CORIN: variants seen among roughly 807,000 people sequenced by gnomAD.
The protein encoded by CORIN is corin, serine peptidase.
In CORIN, 117 loss-of-function variants were observed where a neutral mutation model predicts 125.3. The observed-to-expected ratio is 0.93, with a 90% CI of 0.80 to 1.09. The LOEUF is 1.09. CORIN is among the 50% of genes least tolerant of loss of function. The pLI, the probability that CORIN is intolerant of heterozygous loss-of-function variation, is 0.00. For synonymous variants in CORIN, 450 were observed against 466.4 expected (o/e 0.96, Z 0.45); for missense variants, 1,253 against 1,306.7 (o/e 0.96, Z 0.63).
intron 1 of CORIN, among the ~76,000 whole-genome samples, chr4:47,828,431 G>T: frequency 6.6e-6 from 1 of 152,168 alleles, no homozygotes; most frequent in Non-Finnish European, 1.5e-5. Context: ...ACTCATGCCT[G>T]TGTGATGAAC....
At chr4:47,781,674 G>C (rs1730553711) in intron 3 of CORIN, among the ~76,000 whole-genome samples, 1 of 152,216 alleles carries the variant, frequency 6.6e-6, no homozygotes, top group Non-Finnish European at 1.5e-5. Context: ...CAACAACGGT[G>C]GCTGGGCGCA....
Position 47,838,062 on chromosome 4 carries a change from C to CA in CORIN, c.-114dup. 6.5e-7 allele frequency: 1 copy of CA among 1,529,472 alleles called. No individual in the cohort carries two copies. The highest frequency in any genetic ancestry group is 2.2e-5 in the Admixed American group (1 of 45,732). 94.7% of individuals were successfully genotyped at this position (1,529,472 alleles called of 1,614,324 possible). On this transcript the variant is annotated 5_prime_UTR_variant, in exon 1 of 22. Coordinates refer to ENST00000273857, the MANE Select transcript of CORIN (RefSeq NM_006587.4). ...TGATTTTCTCCAAGCTCAAGAGAGACAAACTGAACTTTAAGCGCCAGGGGC... is the reference window on the plus strand; with the variant it reads ...TGATTTTCTCCAAGCTCAAGAGAGACAAAACTGAACTTTAAGCGCCAGGGGC...
intron 4 of CORIN, among the ~76,000 whole-genome samples, chr4:47,745,538 A>G (rs760263665): frequency 1.3e-5 from 2 of 152,252 alleles, no homozygotes; most frequent in African/African-American, 4.8e-5. Context: ...AAATCCTTCA[A>G]ATGAGATAGT....
At chr4:47,726,321 G>T (rs1321244520) in intron 5 of CORIN, among the ~76,000 whole-genome samples, 1 of 152,010 alleles carries the variant, frequency 6.6e-6, no homozygotes, top group Non-Finnish European at 1.5e-5. Context: ...CTTTCAATGA[G>T]CAAATAAACA....
intron 2 of CORIN, chr4:47,790,196 C>T (rs1427419005): frequency 3.0e-6 from 3 of 984,916 alleles, no homozygotes; most frequent in Non-Finnish European, 3.6e-6. Context: ...TCTTAACTGC[C>T]ATAAAGGAAG....
At chr4:47,705,917 T>G (rs1328122942) in intron 5 of CORIN, among the ~76,000 whole-genome samples, 1 of 152,240 alleles carries the variant, frequency 6.6e-6, no homozygotes, top group Non-Finnish European at 1.5e-5. Context: ...AACAAAATCA[T>G]AGCTCTTTTA....
chr4:47,829,475 C>T (rs1172155353), intron 1 of CORIN, among the ~76,000 whole-genome samples: 1 of 152,156 alleles, frequency 6.6e-6, no homozygotes, highest in Non-Finnish European at 1.5e-5. Flanking sequence ...AAGTGTTGTC[C>T]TGAGTTCTGT....
chr4:47,688,615 A>T lies in CORIN; in HGVS notation c.913+4355T>A, dbSNP rs191419163. ...AGACTCCATCTCAAAAAAAAATTTT[A>T]AAAAACATATTTAATAGTTTCTATG... On this transcript the variant is annotated intron_variant, in intron 6 of 21. Transcript: ENST00000273857. Among the ~76,000 whole-genome samples the T allele has an allele frequency of 3.1e-3, 475 of 152,280 alleles. 5 individuals are homozygous for T. The highest frequency in any genetic ancestry group is 9.8e-3 in the African/African-American group (406 of 41,540).
In CORIN at chr4:47,603,416, C is replaced by G; in HGVS notation, c.2793G>C (p.Trp931Cys). 1 of 1,614,084 alleles carries G rather than the reference C, an allele frequency of 6.2e-7. No homozygotes were observed. ...GCTTACTTTTATTGCCCATGTGGCC[C>G]CAGCCTGTGATATAGCAGTACGTGT... ...EPDTYCYITG[W>C]GHMGNKMPFK... is the part of the protein sequence containing the mutation. Residue 931 changes from tryptophan (W) to cysteine (C), a missense_variant, in exon 20 of 22, where the codon TGG becomes TGC. By Grantham distance (215) the Trp-to-Cys change is radical. Transcript: ENST00000273857.
In CORIN at chr4:47,618,623, T is replaced by C. The variant is rs546950359; in HGVS notation, c.2540+4948A>G. Among the ~76,000 whole-genome samples the C allele has an allele frequency of 5.9e-5, 9 of 151,698 alleles. No individual in the cohort carries two copies. The South Asian group carries it at 1.9e-3, about 32-fold the overall frequency. Reference sequence around the variant, plus strand: ...TCACAAGGTCAGGAGATCGAGACCATCCTGGCTAACATGGTGAAACCCCGT... The same window carrying C: ...TCACAAGGTCAGGAGATCGAGACCACCCTGGCTAACATGGTGAAACCCCGT... On this transcript the variant is annotated intron_variant, in intron 19 of 21. Transcript: ENST00000273857.
At chr4:47,649,607 TA>T (rs1181518436) in intron 13 of CORIN, among the ~76,000 whole-genome samples, 3 of 152,156 alleles carry the variant, frequency 2.0e-5, no homozygotes, top group Admixed American at 6.5e-5. Context: ...CCCAGAGAAG[TA>T]AACTGACTGG....
At chr4:47,743,341 G>C (rs757496783) in intron 5 of CORIN, among the ~76,000 whole-genome samples, 1 of 152,204 alleles carries the variant, frequency 6.6e-6, no homozygotes, top group Non-Finnish European at 1.5e-5. Context: ...CAGATGACTT[G>C]TATCCAGAAT....
In CORIN at chr4:47,721,617, T is replaced by TA. The variant is rs533953813; in HGVS notation, c.799+22784dup. 5.8e-4 allele frequency among the ~76,000 whole-genome samples: 89 copies of TA among 152,292 alleles called. 1 individual carries two copies. Among genetic ancestry groups the TA allele is most frequent in the African/African-American group, 1.9e-3 (80 of 41,582 alleles). Reference sequence around the variant, plus strand: ...ATCTCCCAAAGTCTCCACCTTCTAATACCATCCTCTTGGGGTTACGGTTTC... The same window carrying TA: ...ATCTCCCAAAGTCTCCACCTTCTAATAACCATCCTCTTGGGGTTACGGTTTC... On this transcript the variant is annotated intron_variant, in intron 5 of 21. Transcript: ENST00000273857.
chr4:47,639,709 A>G (rs191694638), intron 16 of CORIN, among the ~76,000 whole-genome samples: 79 of 152,350 alleles, frequency 5.2e-4, no homozygotes, highest in African/African-American at 1.8e-3. Context: ...TCAAAGGTGC[A>G]GGGTGACTTA....
intron 4 of CORIN, among the ~76,000 whole-genome samples, chr4:47,753,556 T>G (rs371260009): frequency 8.2e-4 from 125 of 152,198 alleles, no homozygotes; most frequent in African/African-American, 2.9e-3. Context: ...CCCCCAGGAA[T>G]GCACTCCTTC....
At chr4:47,652,967 T>C (rs1327886227) in intron 13 of CORIN, among the ~76,000 whole-genome samples, 4 of 152,230 alleles carry the variant, frequency 2.6e-5, no homozygotes, top group African/African-American at 9.6e-5. Flanking sequence ...CTTCTCCTTT[T>C]AATAAGTGTT....
At chr4:47,632,371 T>C (rs1722839409) in intron 16 of CORIN, 1 of 152,182 alleles carries the variant, frequency 6.6e-6, no homozygotes, top group Non-Finnish European at 1.5e-5. Context: ...AATATCCTGT[T>C]CCAAACTTGA....
intron 3 of CORIN, among the ~76,000 whole-genome samples, chr4:47,775,569 A>G (rs1162140629): frequency 2.0e-5 from 3 of 152,028 alleles, no homozygotes; most frequent in Non-Finnish European, 4.4e-5. Flanking sequence ...ATGGCTGCAT[A>G]GTGTTCCATG....
chr4:47,773,340 G>C (rs1369360579), intron 3 of CORIN, among the ~76,000 whole-genome samples: 1 of 152,140 alleles, frequency 6.6e-6, no homozygotes, highest in Non-Finnish European at 1.5e-5. Flanking sequence ...ACTCATGAAG[G>C]TGATGAGATC....
Sources: allele counts gnomAD v4.1 joint callset (sites outside exome capture counted in the v4.1 genomes callset), GRCh38; gene constraint gnomAD v4.1.1; transcripts MANE v1.5; gene names NCBI Gene and HGNC (gene_info 2026-07-23, HGNC 2026-07-21).